Variants in BOD1L1 observed in about 807,000 individuals in gnomAD.
BOD1L1 encodes biorientation of chromosomes in cell division 1 like 1, also known as biorientation of chromosomes in cell division protein 1-like 1.
In BOD1L1, 86 loss-of-function variants were observed where a neutral mutation model predicts 240.7. The observed-to-expected ratio is 0.36, with a 90% confidence interval of 0.30 to 0.43. The LOEUF (loss-of-function observed/expected upper bound fraction) is 0.43, where lower values mean the gene tolerates loss of function less well. BOD1L1 is among the 20% of genes least tolerant of loss of function. The pLI is 1.00. For synonymous variants in BOD1L1, 1,268 were observed against 1,272.3 expected (o/e 1.00, Z 0.07); for missense variants, 3,554 against 3,643.5 (o/e 0.98, Z 0.63).
At chr4:13,615,864 A>G (rs964090503) in intron 2 of BOD1L1, among the ~76,000 whole-genome samples, 3 of 152,234 alleles carry the variant, frequency 2.0e-5, no homozygotes, top group African/African-American at 7.2e-5. Context: ...TGCTCATTAA[A>G]AAGCTGAGTT....
Position 13,600,192 on chromosome 4 carries a change from A to T in BOD1L1, c.6708T>A (p.Val2236=). 1 of 1,613,836 alleles carries T rather than the reference A, an allele frequency of 6.2e-7. No homozygotes were observed. The highest frequency in any genetic ancestry group is 1.3e-5 in the African/African-American group (1 of 74,986). Residue 2236 remains valine, a synonymous_variant, in exon 10 of 26, where the codon GTT becomes GTA. Transcript: ENST00000040738. ...ECEASVSGVV[V]ESENERAGTV... Reference sequence around the variant, plus strand: ...TGCCAGCTCGCTCATTTTCACTTTCAACAACTACACCGGAAACAGAAGCCT... The same window carrying T: ...TGCCAGCTCGCTCATTTTCACTTTCTACAACTACACCGGAAACAGAAGCCT...
Position 13,601,936 on chromosome 4 carries a change from G to C in BOD1L1, c.4964C>G (p.Thr1655Ser). Residue 1655 changes from threonine to serine, a missense_variant, in exon 10 of 26, where the codon ACC (threonine) becomes AGC (serine). Around this residue, in one of 2 missense-constraint regions of BOD1L1, gnomAD observed 3,393 missense variants for 3,427.1 expected, o/e 0.99. Coordinates refer to ENST00000040738, the MANE Select transcript of BOD1L1 (RefSeq NM_148894.3). ...ACATTTTTCTTCAGAGCCTGCACTG[G>C]TTACAGCATCATCCTTTTCCTCTGT... ...VVTEEKDDAV[T>S]SAGSEEKCDG... 1 of 1,613,910 alleles carries C rather than the reference G, an allele frequency of 6.2e-7. No homozygotes were observed. The highest frequency in any genetic ancestry group is 8.5e-7 in the Non-Finnish European group (1 of 1,179,894).
chr4:13,595,432 G>A (rs1714540936), intron 12 of BOD1L1, among the ~76,000 whole-genome samples: 1 of 152,206 alleles, frequency 6.6e-6, no homozygotes. Context: ...GCTGAGAGCA[G>A]TATCTGTGCA....
chr4:13,616,625 C>T (rs942656789), intron 2 of BOD1L1, among the ~76,000 whole-genome samples: 1 of 152,236 alleles, frequency 6.6e-6, no homozygotes, highest in African/African-American at 2.4e-5. Flanking sequence ...TAAGCCTCAA[C>T]TGCTCTCTAT....
At position 13,598,937 on chromosome 4, in the gene BOD1L1, G is replaced by A; in HGVS notation, c.7954+9C>T. On this transcript the variant is annotated intron_variant, in intron 10 of 25. Transcript: ENST00000040738. ...ATATTAAAATTTGCAATTAGGTACA[G>A]ATTCTCACCTATGTCACACACATTT... is the stretch of plus-strand genomic sequence containing the variant. 6.3e-7 allele frequency: 1 copy of A among 1,590,632 alleles called. No individual in the cohort carries two copies. The highest frequency in any genetic ancestry group is 8.6e-7 in the Non-Finnish European group (1 of 1,165,646).
intron 13 of BOD1L1, 137 bp downstream of exon 13, chr4:13,591,786 A>G: frequency 1.6e-6 from 1 of 608,892 alleles, no homozygotes; most frequent in Non-Finnish European, 2.9e-6. Context: ...AATGAAGAGT[A>G]CACTACCAAA....
In BOD1L1 at chr4:13,599,719, T is replaced by C. The variant is rs762777093; in HGVS notation, c.7181A>G (p.Lys2394Arg). 1 of 1,613,826 alleles carries C rather than the reference T, an allele frequency of 6.2e-7. No homozygotes were observed. Among genetic ancestry groups the C allele is most frequent in the East Asian group, 2.2e-5 (1 of 44,868 alleles). ...CRCPGPVRGGKEPGPVLAVST... is the reference protein window; with the variant it reads ...CRCPGPVRGGREPGPVLAVST... The stretch of plus-strand genomic sequence containing the variant: ...CACTGCCAACACGGGACCCGGTTCT[T>C]TGCCTCCCCTGACTGGCCCAGGACA... The change falls in exon 10 of 26, where the codon AAA becomes AGA. Residue 2394 changes from lysine (K) to arginine (R), a missense_variant. Transcript: ENST00000040738.
chr4:13,585,663 C>T (rs1713619892), intron 17 of BOD1L1, among the ~76,000 whole-genome samples: 1 of 151,998 alleles, frequency 6.6e-6, no homozygotes, highest in Admixed American at 6.6e-5. Context: ...TGGCTGTGAC[C>T]CCACTCAAAT....
intron 8 of BOD1L1, among the ~76,000 whole-genome samples, chr4:13,607,922 A>T (rs1715842307): frequency 6.6e-6 from 1 of 152,224 alleles, no homozygotes; most frequent in Non-Finnish European, 1.5e-5. Flanking sequence ...CAAATTATCA[A>T]ATCAGTTATC....
intron 21 of BOD1L1, 118 bp downstream of exon 21, chr4:13,580,902 C>CA: frequency 1.1e-6 from 1 of 888,422 alleles, no homozygotes; most frequent in South Asian, 1.9e-5. Context: ...AATGGTTACT[C>CA]AGTCTTTTAA....
rs1426045191 is a variant in BOD1L1, at chr4:13,601,039, A to G, written c.5861T>C (p.Val1954Ala). ...GACTGCACTGGTCACACTGCTTTCT[A>G]CAATCCCTTTTGCACTGGAGCAGAT... ...TDICSSAKGI[V>A]ESSVTSAVSG... Residue 1954 changes from valine (V) to alanine (A), a missense_variant, in exon 10 of 26, where the codon GTA becomes GCA. Coordinates refer to ENST00000040738, the MANE Select transcript of BOD1L1 (RefSeq NM_148894.3). 6.2e-7 allele frequency: 1 copy of G among 1,613,970 alleles called. No individual in the cohort carries two copies. Among genetic ancestry groups the G allele is most frequent in the Non-Finnish European group, 8.5e-7 (1 of 1,179,884 alleles).
At chr4:13,581,882 G>A (rs934660713) in intron 19 of BOD1L1, among the ~76,000 whole-genome samples, 1 of 152,044 alleles carries the variant, frequency 6.6e-6, no homozygotes, top group African/African-American at 2.4e-5. Context: ...ATCCTAGCTG[G>A]ACTCCATGGC....
intron 11 of BOD1L1, 133 bp from the exon 12 acceptor site, chr4:13,596,077 A>C: frequency 7.2e-6 from 5 of 694,866 alleles, no homozygotes; most frequent in Non-Finnish European, 1.2e-5. Flanking sequence ...AGTACACAAA[A>C]CTTAAAAATA....
rs1439202324 is a variant in BOD1L1 at position 13,586,383 on chromosome 4, G to A, written c.8433+13C>T. 6 of 1,594,172 alleles carry A rather than the reference G, an allele frequency of 3.8e-6. No homozygotes were observed. The highest frequency in any genetic ancestry group is 5.2e-6 in the Non-Finnish European group (6 of 1,164,468). ...CCCACCCAAAACTTAAAACTAATAT[G>A]TGGAAAAAATACCTTTGTGTCATGT... On this transcript the variant is annotated intron_variant, in intron 17 of 25. Coordinates refer to ENST00000040738, the MANE Select transcript of BOD1L1 (RefSeq NM_148894.3).
chr4:13,573,507 CTCTA>C (rs1304587901), intron 25 of BOD1L1, among the ~76,000 whole-genome samples: 15 of 100,198 alleles, frequency 1.5e-4, no homozygotes, highest in South Asian at 3.7e-4. Flanking sequence ...GAGAAAGAGC[CTCTA>C]TCTATCTATC....
Position 13,600,638 on chromosome 4 carries a change from T to G in BOD1L1, c.6262A>C (p.Ile2088Leu). The change falls in exon 10 of 26, where the codon ATT becomes CTT. Residue 2088 changes from isoleucine to leucine, a missense_variant. By Grantham distance (5) the Ile-to-Leu change is conservative (BLOSUM62 2). Coordinates refer to ENST00000040738, the MANE Select transcript of BOD1L1 (RefSeq NM_148894.3). ...TNDYTPQVSA[I>L]TDVEGGLSDA... Reference sequence around the variant, plus strand: ...GAGAGACCTCCTTCCACATCTGTAATTGCGCTTACCTGAGGGGTGTAATCA... The same window carrying G: ...GAGAGACCTCCTTCCACATCTGTAAGTGCGCTTACCTGAGGGGTGTAATCA... 1 of 1,613,924 alleles carries G rather than the reference T, an allele frequency of 6.2e-7. No individual in the cohort carries two copies. The highest frequency in any genetic ancestry group is 8.5e-7 in the Non-Finnish European group (1 of 1,179,864).
At chr4:13,574,160 A>G (rs1252771424) in intron 25 of BOD1L1, among the ~76,000 whole-genome samples, 1 of 152,224 alleles carries the variant, frequency 6.6e-6, no homozygotes, top group Non-Finnish European at 1.5e-5. Flanking sequence ...GCCGGCTTCT[A>G]CTGAACACAA....
chr4:13,587,223 C>T (rs561300216), intron 16 of BOD1L1, among the ~76,000 whole-genome samples: 1 of 152,306 alleles, frequency 6.6e-6, no homozygotes, highest in South Asian at 2.1e-4. Flanking sequence ...TCAATAGTGA[C>T]ATGTGGCTAG....
intron 13 of BOD1L1, 134 bp downstream of exon 13, chr4:13,591,789 C>A (rs941437871): frequency 1.3e-5 from 8 of 626,508 alleles, no homozygotes; most frequent in African/African-American, 1.9e-5. Flanking sequence ...GAAGAGTACA[C>A]TACCAAATGC....
Sources: gnomAD v4.1 joint callset for allele counts (sites outside exome capture counted in the v4.1 genomes callset) on GRCh38, gnomAD v4.1.1 for gene constraint, gnomAD v4.1.1 regional missense constraint, MANE v1.5 for transcripts, NCBI Gene and HGNC (gene_info 2026-07-23, HGNC 2026-07-21) for gene names.